The following PCSK5 variants were observed in gnomAD, a reference collection of about 807,000 sequenced individuals.
The protein encoded by PCSK5 is prohormone convertase 5.
PCSK5 carries 129 observed loss-of-function variants against 233.2 expected under a neutral mutation model. The ratio of observed to expected loss-of-function variants is 0.55; its 90% CI spans 0.48 to 0.64. The LOEUF (loss-of-function observed/expected upper bound fraction) is 0.64, where lower values mean the gene tolerates loss of function less well. Among genes scored for constraint, PCSK5 ranks in the 30% least tolerant of loss-of-function variants. The probability of loss-of-function intolerance (pLI) is 0.00; values close to 1 mark genes in which losing one functional copy is unlikely to be tolerated. For synonymous variants in PCSK5, 825 were observed against 879.2 expected (o/e 0.94, Z 1.09); for missense variants, 2,076 against 2,430.1 (o/e 0.85, Z 3.06).
intron 1 of PCSK5, among the ~76,000 whole-genome samples, chr9:75,919,166 G>A (rs978406208): frequency 6.6e-6 from 1 of 152,188 alleles, no homozygotes; most frequent in Non-Finnish European, 1.5e-5. Flanking sequence ...GCTAATGTGT[G>A]TTCTGGTGTA....
At position 76,361,374 on chromosome 9, in the gene PCSK5, A is replaced by C. The variant is rs11144853; in HGVS notation, c.*2452A>C. 31,218 of 150,828 alleles carry C rather than the reference A, an allele frequency of 0.21. 3,920 individuals are homozygous for C. The highest frequency in any genetic ancestry group is 0.54 in the East Asian group (2,737 of 5,050). 9.3% of individuals were successfully genotyped at this position (150,828 alleles called of 1,614,324 possible). A position where few individuals can be genotyped will look rare whatever the true frequency, so the allele number is the denominator to read the frequency against. ...AATAAGTAACTAACTAACTAACTAA[A>C]TAAATAAATAAATAAAATTATCTCC... On this transcript the variant is annotated 3_prime_UTR_variant, in exon 38 of 38. Coordinates refer to ENST00000674117, the MANE Select transcript of PCSK5 (RefSeq NM_001372043.1).
chr9:76,332,882 A>G (rs887370131), intron 34 of PCSK5, among the ~76,000 whole-genome samples: 7 of 152,232 alleles, frequency 4.6e-5, no homozygotes, highest in African/African-American at 1.7e-4. Context: ...CTGAAAATTC[A>G]AAGCATATTG....
chr9:76,002,148 A>G (rs189615122), intron 3 of PCSK5, among the ~76,000 whole-genome samples: 101 of 152,274 alleles, frequency 6.6e-4, no homozygotes, highest in Non-Finnish European at 9.8e-4. Context: ...TAGAGATAAC[A>G]AGTATGAAAA....
intron 1 of PCSK5, among the ~76,000 whole-genome samples, chr9:75,913,603 G>C (rs1822851608): frequency 6.6e-6 from 1 of 152,136 alleles, no homozygotes; most frequent in Non-Finnish European, 1.5e-5. Flanking sequence ...TTTAGATATA[G>C]TTTTGTGCCC....
At chr9:75,917,450 A>C (rs1050466353) in intron 1 of PCSK5, among the ~76,000 whole-genome samples, 2 of 152,214 alleles carry the variant, frequency 1.3e-5, no homozygotes, top group African/African-American at 2.4e-5. Flanking sequence ...CTGATATTTA[A>C]ATTTTTGTTG....
intron 10 of PCSK5, among the ~76,000 whole-genome samples, chr9:76,144,172 AGTAG>A (rs1823342073): frequency 6.6e-6 from 1 of 152,106 alleles, no homozygotes; most frequent in African/African-American, 2.4e-5. Context: ...TAGAATTTTT[AGTAG>A]TCTTAAGAAG....
chr9:75,997,499 T>C (rs1249488308), intron 3 of PCSK5, among the ~76,000 whole-genome samples: 1 of 152,168 alleles, frequency 6.6e-6, no homozygotes, highest in East Asian at 1.9e-4. Context: ...CAGCCTAAGG[T>C]TGAGATTGTA....
chr9:76,297,130 G>T (rs1828464617), intron 27 of PCSK5, among the ~76,000 whole-genome samples: 1 of 152,126 alleles, frequency 6.6e-6, no homozygotes, highest in South Asian at 2.1e-4. Flanking sequence ...GTTTCTACCT[G>T]GGTGAAGCAG....
At chr9:76,184,538 C>T (rs1824014699) in intron 16 of PCSK5, 135 bp from the exon 17 acceptor site, 3 of 541,332 alleles carry the variant, frequency 5.5e-6, no homozygotes, top group South Asian at 2.6e-5. Flanking sequence ...AATAGTGATT[C>T]TGTGGCTTTT....
chr9:76,094,290 A>C (rs1028324529), intron 7 of PCSK5, among the ~76,000 whole-genome samples: 5 of 151,376 alleles, frequency 3.3e-5, no homozygotes, highest in Non-Finnish European at 5.9e-5. Context: ...GCATCCCCCA[A>C]ATGCTTTTGC....
At chr9:76,136,469 T>C (rs984880643) in intron 10 of PCSK5, among the ~76,000 whole-genome samples, 1 of 151,988 alleles carries the variant, frequency 6.6e-6, no homozygotes, top group African/African-American at 2.4e-5. Flanking sequence ...GGCTTGTATT[T>C]AAATGAGGTC....
In PCSK5 at chr9:76,358,581, AC is replaced by A; in HGVS notation, c.5325del (p.Ser1776ProfsTer3). The A allele has an allele frequency of 1.2e-6, 2 of 1,612,366 alleles. No individual in the cohort carries two copies. The highest frequency in any genetic ancestry group is 1.7e-6 in the Non-Finnish European group (2 of 1,179,768). ...GCATTTCAAGACAGCTCTGTTCATC[AC>A]CTCCTCCATGATGCTGGTGCTTCTG... ...TEHFKTALFI[T>X]SSMMLVLLLG... On this transcript the variant is annotated frameshift_variant, in exon 38 of 38. Transcript: ENST00000674117. LOFTEE classifies it low-confidence loss of function (END_TRUNC).
chr9:76,296,476 G>A (rs190595617), intron 26 of PCSK5, among the ~76,000 whole-genome samples, 189 bp from the exon 27 acceptor site: 1 of 152,284 alleles, frequency 6.6e-6, no homozygotes, highest in African/African-American at 2.4e-5. Flanking sequence ...CCGGGAGGTG[G>A]AGGATGCAGT....
chr9:75,923,911 T>C (rs1356441570), intron 1 of PCSK5, among the ~76,000 whole-genome samples: 1 of 152,154 alleles, frequency 6.6e-6, no homozygotes, highest in Non-Finnish European at 1.5e-5. Flanking sequence ...TTCTCCAATC[T>C]CTGTTTCCAT....
chr9:76,250,499 A>G (rs981246133), intron 24 of PCSK5, among the ~76,000 whole-genome samples: 3 of 152,224 alleles, frequency 2.0e-5, no homozygotes, highest in Non-Finnish European at 4.4e-5. Flanking sequence ...ATACAATGTA[A>G]TGAGAACCAC....
intron 24 of PCSK5, among the ~76,000 whole-genome samples, chr9:76,274,606 C>T (rs1441633686): frequency 1.3e-5 from 2 of 151,408 alleles, no homozygotes; most frequent in Admixed American, 1.3e-4. Flanking sequence ...TTACCTGGAA[C>T]TACTTGAAAC....
intron 10 of PCSK5, among the ~76,000 whole-genome samples, chr9:76,149,082 G>A (rs993002): frequency 0.73 from 110,972 of 152,220 alleles, 40,850 homozygotes; most frequent in East Asian, 1. Context: ...CTTACTTTTC[G>A]TAAATTTTAC....
intron 24 of PCSK5, among the ~76,000 whole-genome samples, chr9:76,281,610 T>C (rs1827866297): frequency 6.6e-6 from 1 of 152,186 alleles, no homozygotes; most frequent in South Asian, 2.1e-4. Context: ...TAACAGGACA[T>C]TGATTCTGCA....
At chr9:75,994,228 C>A (rs1334807308) in intron 3 of PCSK5, among the ~76,000 whole-genome samples, 1 of 151,868 alleles carries the variant, frequency 6.6e-6, no homozygotes, top group Non-Finnish European at 1.5e-5. Flanking sequence ...TTGACTCTAC[C>A]CTTAAAGCCA....
Sources: allele counts gnomAD v4.1 joint callset (sites outside exome capture counted in the v4.1 genomes callset), GRCh38; gene constraint gnomAD v4.1.1; transcripts MANE v1.5; gene names NCBI Gene and HGNC (gene_info 2026-07-23, HGNC 2026-07-21).